The following COMMD10 variants were observed in gnomAD, a reference collection of about 807,000 sequenced individuals.
COMMD10 encodes COMM domain containing 10, also known as COMM domain-containing protein 10.
A neutral mutation model predicts 28.9 loss-of-function variants in COMMD10; 33 were observed. The ratio of observed to expected loss-of-function variants is 1.14; its 90% CI spans 0.87 to 1.53. The LOEUF (loss-of-function observed/expected upper bound fraction) is 1.53. Among genes scored for constraint, COMMD10 ranks in the 40% most tolerant of loss-of-function variants. The pLI is 0.00. For synonymous variants in COMMD10, 110 were observed against 81.7 expected (o/e 1.35, Z -1.87); for missense variants, 310 against 233.4 (o/e 1.33, Z -2.14).
At chr5:116,116,202 A>G (rs1751228475) in intron 4 of COMMD10, among the ~76,000 whole-genome samples, 1 of 152,148 alleles carries the variant, frequency 6.6e-6, no homozygotes, top group Non-Finnish European at 1.5e-5. Context: ...CCATTGTAAG[A>G]TTTACTTTAT....
Position 116,101,976 on chromosome 5 carries a change from A to G in COMMD10, c.399+9276A>G, listed in dbSNP as rs543238200. Reference sequence around the variant, plus strand: ...TGGATATTGGTCCTCTGTCAGGTGCATAGTTTGCAAATATTTTCTCCCATT... The same window carrying G: ...TGGATATTGGTCCTCTGTCAGGTGCGTAGTTTGCAAATATTTTCTCCCATT... On this transcript the variant is annotated intron_variant, in intron 4 of 6. Transcript: ENST00000274458. Among the ~76,000 whole-genome samples the G allele has an allele frequency of 4.6e-5, 7 of 152,212 alleles. No homozygotes were observed. In the East Asian group the frequency reaches 9.6e-4, roughly 21 times the overall value.
chr5:116,119,668 G>A (rs1580460424), intron 4 of COMMD10, among the ~76,000 whole-genome samples: 1 of 152,116 alleles, frequency 6.6e-6, no homozygotes. Context: ...GCAGTGGCTT[G>A]TGGTGTGATC....
At chr5:116,105,527 G>T (rs1750808355) in intron 4 of COMMD10, among the ~76,000 whole-genome samples, 1 of 152,152 alleles carries the variant, frequency 6.6e-6, no homozygotes, top group Admixed American at 6.5e-5. Context: ...AGTTTTAGAA[G>T]GAATGGTACC....
intron 5 of COMMD10, among the ~76,000 whole-genome samples, chr5:116,253,818 A>C (rs1189490524): frequency 6.8e-6 from 1 of 148,084 alleles, no homozygotes; most frequent in Non-Finnish European, 1.5e-5. Context: ...TCATAAAATG[A>C]GTTAGGGAGG....
intron 4 of COMMD10, among the ~76,000 whole-genome samples, chr5:116,126,509 A>G (rs2112760637): frequency 6.6e-6 from 1 of 152,162 alleles, no homozygotes; most frequent in Non-Finnish European, 1.5e-5. Flanking sequence ...GCATCACATT[A>G]CCGGACTTCA....
intron 5 of COMMD10, among the ~76,000 whole-genome samples, chr5:116,148,351 T>G (rs1752408866): frequency 6.6e-6 from 1 of 151,896 alleles, no homozygotes; most frequent in South Asian, 2.1e-4. Flanking sequence ...CTTCCTCTCT[T>G]TCTCTTTCCC....
chr5:116,198,678 A>G (rs1445571300), intron 5 of COMMD10, among the ~76,000 whole-genome samples: 5 of 152,114 alleles, frequency 3.3e-5, no homozygotes, highest in African/African-American at 9.7e-5. Context: ...CCTGTTTTAC[A>G]TTTTCAGAAG....
At chr5:116,126,550 C>G (rs1271643724) in intron 4 of COMMD10, among the ~76,000 whole-genome samples, 1 of 151,896 alleles carries the variant, frequency 6.6e-6, no homozygotes, top group Non-Finnish European at 1.5e-5. Context: ...GTAACCAAAA[C>G]AGCATGGTAC....
intron 5 of COMMD10, among the ~76,000 whole-genome samples, chr5:116,247,032 G>A (rs1400397059): frequency 6.6e-6 from 1 of 151,754 alleles, no homozygotes; most frequent in Non-Finnish European, 1.5e-5. Flanking sequence ...AGAGTAAACA[G>A]AGAACCTAAA....
intron 1 of COMMD10, chr5:116,085,472 C>G (rs1294841284): frequency 4.0e-6 from 1 of 249,154 alleles, no homozygotes; most frequent in Non-Finnish European, 7.7e-6. Context: ...AGTTCCGGTT[C>G]AGACACTCTG....
At chr5:116,250,260 G>C (rs1432521639) in intron 5 of COMMD10, among the ~76,000 whole-genome samples, 1 of 151,760 alleles carries the variant, frequency 6.6e-6, no homozygotes, top group Non-Finnish European at 1.5e-5. Context: ...AGATTCACTA[G>C]ATGGATTGGT....
chr5:116,125,527 C>G (rs1210050874), intron 4 of COMMD10, among the ~76,000 whole-genome samples: 2 of 152,046 alleles, frequency 1.3e-5, no homozygotes, highest in Non-Finnish European at 2.9e-5. Flanking sequence ...AATTATGTGA[C>G]TTGGAGTTGC....
rs1054841493 is a variant in COMMD10, at chr5:116,114,103, G to T, written c.400-19965G>T. ...GTGTTAGGGTGTGGGTTTTGATGGA[G>T]GATGTGGTGAAATTATGCTAGGGAC... is the stretch of plus-strand genomic sequence containing the variant. On this transcript the variant is annotated intron_variant, in intron 4 of 6. Transcript: ENST00000274458. Among the ~76,000 whole-genome samples, 4 of 152,068 alleles carry T rather than the reference G, an allele frequency of 2.6e-5. No homozygotes were observed. In the East Asian group the frequency reaches 7.7e-4, roughly 29 times the overall value.
rs972409972 is a variant in COMMD10 at position 116,293,193 on chromosome 5, T to C, written c.*704T>C. The C allele has an allele frequency of 1.0e-5, 4 of 389,380 alleles. No individual in the cohort carries two copies. The highest frequency in any genetic ancestry group is 1.8e-5 in the Non-Finnish European group (4 of 220,388). The allele number at this position is 389,380 out of a possible 1,614,324, so 24.1% of individuals were successfully genotyped here. The stretch of plus-strand genomic sequence containing the variant: ...TCTTGAATAAAATAATTGTAATGAG[T>C]GCTAAATGGGCACCATTATTCGAAT... On this transcript the variant is annotated 3_prime_UTR_variant, in exon 7 of 7. Transcript: ENST00000274458.
chr5:116,251,292 TTATTTA>T (rs1750110229), intron 5 of COMMD10, among the ~76,000 whole-genome samples: 1 of 149,344 alleles, frequency 6.7e-6, no homozygotes, highest in South Asian at 2.1e-4. Context: ...ATTTATTTAT[TTATTTA>T]TTTATTATTA....
intron 4 of COMMD10, among the ~76,000 whole-genome samples, chr5:116,115,470 T>C (rs1751201784): frequency 6.6e-6 from 1 of 152,202 alleles, no homozygotes; most frequent in Non-Finnish European, 1.5e-5. Context: ...CACTTTATCT[T>C]AACCTCTTTG....
At chr5:116,272,099 T>C (rs1398771119) in intron 5 of COMMD10, among the ~76,000 whole-genome samples, 1 of 151,854 alleles carries the variant, frequency 6.6e-6, no homozygotes, top group African/African-American at 2.4e-5. Context: ...ATTTTATTTC[T>C]CAACATAGGC....
intron 4 of COMMD10, among the ~76,000 whole-genome samples, chr5:116,095,211 A>AG (rs1487014499): frequency 6.6e-6 from 1 of 152,206 alleles, no homozygotes; most frequent in Non-Finnish European, 1.5e-5. Context: ...ATAAATGCTC[A>AG]GGGTGGTGAA....
At chr5:116,271,411 G>A (rs2112697475) in intron 5 of COMMD10, among the ~76,000 whole-genome samples, 1 of 149,986 alleles carries the variant, frequency 6.7e-6, no homozygotes, top group South Asian at 2.1e-4. Context: ...TCCCCAAATA[G>A]AAGTTAGGGT....
Sources: gnomAD v4.1 joint callset for allele counts (sites outside exome capture counted in the v4.1 genomes callset) on GRCh38, gnomAD v4.1.1 for gene constraint, MANE v1.5 for transcripts, NCBI Gene and HGNC (gene_info 2026-07-23, HGNC 2026-07-21) for gene names.